Variants in MAU2 observed in about 807,000 individuals in gnomAD.
The protein encoded by MAU2 is MAU2 sister chromatid cohesion factor.
Under a neutral mutation model 89.1 loss-of-function variants are expected in MAU2, and 9 were observed. The observed-to-expected ratio is 0.10, with a 90% CI of 0.06 to 0.18. The LOEUF is 0.18. Among genes scored for constraint, MAU2 ranks in the 10% least tolerant of loss-of-function variants. The probability of loss-of-function intolerance (pLI) is 1.00; values close to 1 mark genes in which losing one functional copy is unlikely to be tolerated. For missense variants in MAU2, 425 were observed against 803.5 expected, an observed-to-expected ratio of 0.53 and a Z score of 5.69; for synonymous variants, 357 against 343.4, an observed-to-expected ratio of 1.04 and a Z score of -0.44.
chr19:19,355,641 A>AT, intron 18 of MAU2, 67 bp from the exon 19 acceptor site: 2 of 1,421,182 alleles, frequency 1.4e-6, no homozygotes, highest in South Asian at 2.5e-5. Context: ...GGAAGGCAGC[A>AT]TTCCAACCTC....
intron 13 of MAU2, 77 bp downstream of exon 13, chr19:19,347,443 C>A: frequency 8.6e-7 from 1 of 1,167,542 alleles, no homozygotes; most frequent in Non-Finnish European, 1.3e-6. Flanking sequence ...TTGTCCTGGG[C>A]ACCAGCACAT....
At chr19:19,352,711 G>A (rs2061755198) in intron 16 of MAU2, 1 of 152,306 alleles carries the variant, frequency 6.6e-6, no homozygotes, top group Non-Finnish European at 1.5e-5. Flanking sequence ...GCAGGGCAAG[G>A]AGGGTTGAGC....
intron 6 of MAU2, among the ~76,000 whole-genome samples, 157 bp downstream of exon 6, chr19:19,341,030 G>T (rs1487903026): frequency 6.6e-6 from 1 of 152,160 alleles, no homozygotes; most frequent in Non-Finnish European, 1.5e-5. Flanking sequence ...GTGAGGCCCG[G>T]GCCCTGCTGG....
intron 1 of MAU2, among the ~76,000 whole-genome samples, chr19:19,329,833 A>G (rs186233819): frequency 5.1e-4 from 78 of 151,894 alleles, no homozygotes; most frequent in Admixed American, 1.0e-3. Flanking sequence ...ACACATGCCT[A>G]TAGTCCCAGC....
chr19:19,322,545 A>G (rs1465275877), intron 1 of MAU2, among the ~76,000 whole-genome samples: 1 of 152,198 alleles, frequency 6.6e-6, no homozygotes, highest in African/African-American at 2.4e-5. Flanking sequence ...GGCTGCAGTG[A>G]GCAGTGATCA....
chr19:19,342,718 C>CG, intron 8 of MAU2, 37 bp downstream of exon 8: 2 of 1,612,722 alleles, frequency 1.2e-6, no homozygotes, highest in Non-Finnish European at 1.7e-6. Context: ...GGGCTGGGGG[C>CG]GGGGGCAGGG....
Position 19,358,434 on chromosome 19 carries a change from C to T in MAU2, c.*2652C>T, listed in dbSNP as rs1362834292. The stretch of plus-strand genomic sequence containing the variant: ...TCCCTGGGATAAGCACTCCCAGCCC[C>T]GTTTATCAGAAACACAGGCAAGGAA... On this transcript the variant is annotated 3_prime_UTR_variant, in exon 19 of 19. Transcript: ENST00000262815. 2 of 152,236 alleles carry T rather than the reference C, an allele frequency of 1.3e-5. No homozygotes were observed. Among genetic ancestry groups the T allele is most frequent in the African/African-American group, 2.4e-5 (1 of 41,460 alleles). The allele number at this position is 152,236 out of a possible 1,614,324, so 9.4% of individuals were successfully genotyped here.
intron 12 of MAU2, chr19:19,346,727 C>G (rs2146698454): frequency 6.5e-6 from 1 of 154,016 alleles, no homozygotes; most frequent in African/African-American, 2.4e-5. Flanking sequence ...CGAACGATCT[C>G]ATTTGCCAAG....
At chr19:19,326,189 A>G (rs1320981624) in intron 1 of MAU2, among the ~76,000 whole-genome samples, 2 of 151,938 alleles carry the variant, frequency 1.3e-5, no homozygotes, top group African/African-American at 4.8e-5. Flanking sequence ...TAAGTCGTCT[A>G]GAAAGATATA....
Position 19,356,169 on chromosome 19 carries a change from C to A in MAU2, c.*387C>A. On this transcript the variant is annotated 3_prime_UTR_variant, in exon 19 of 19. Transcript: ENST00000262815. ...GGGCACCACGCCTGACTCTCCATCA[C>A]CCAGGCCTTGATGCCGAGCGGGAGT... is the stretch of plus-strand genomic sequence containing the variant. The A allele has an allele frequency of 2.4e-6, 1 of 414,712 alleles. No homozygotes were observed. 25.7% of individuals were successfully genotyped at this position (414,712 alleles called of 1,614,324 possible).
chr19:19,323,315 C>G (rs1035839871), intron 1 of MAU2, among the ~76,000 whole-genome samples: 3 of 152,056 alleles, frequency 2.0e-5, no homozygotes, highest in Non-Finnish European at 4.4e-5. Context: ...TTGCCTCAGC[C>G]TCCCGAGTAG....
At chr19:19,335,589 C>T (rs2061589883) in intron 1 of MAU2, 129 bp from the exon 2 acceptor site, 12 of 882,948 alleles carry the variant, frequency 1.4e-5, no homozygotes, top group African/African-American at 3.3e-5. Context: ...CCAAGCGGGC[C>T]GCCTTCTTGT....
At position 19,336,220 on chromosome 19, in the gene MAU2, T is replaced by A. The variant is rs371568276; in HGVS notation, c.360+33T>A. 2.1e-6 allele frequency: 3 copies of A among 1,461,806 alleles called. No homozygotes were observed. The Admixed American group carries it at 5.1e-5, about 25-fold the overall frequency. 90.6% of individuals were successfully genotyped at this position (1,461,806 alleles called of 1,614,324 possible). ...CATATTAAGGTTTCTGAAAGCAAAG[T>A]GTCTCTCCGTGTCGCTAAGACATGA... is the stretch of plus-strand genomic sequence containing the variant. On this transcript the variant is annotated intron_variant, in intron 3 of 18. Transcript: ENST00000262815.
rs533387766 is a variant in MAU2, at chr19:19,345,229, C to T, written c.1156-75C>T. 63 of 1,357,154 alleles carry T rather than the reference C, an allele frequency of 4.6e-5. No homozygotes were observed. Among genetic ancestry groups the T allele is most frequent in the African/African-American group, 2.7e-4 (19 of 69,870 alleles). 84.1% of individuals were successfully genotyped at this position (1,357,154 alleles called of 1,614,324 possible). On this transcript the variant is annotated intron_variant, in intron 11 of 18. Coordinates refer to ENST00000262815, the MANE Select transcript of MAU2 (RefSeq NM_015329.4). This position sits in a 1 kb window ranked among gnomAD's most constrained non-coding sequence, Gnocchi z 4.9. ...TCCTCCAGGGCAGCCGTGCAGGCCC[C>T]GGGCACACCACGTGTCTCTGATCTG...
chr19:19,325,489 A>AT (rs1245317946), intron 1 of MAU2, among the ~76,000 whole-genome samples: 2 of 150,036 alleles, frequency 1.3e-5, no homozygotes, highest in Non-Finnish European at 3.0e-5. Flanking sequence ...TTTATTTTTC[A>AT]TTTTTTTGAG....
At chr19:19,332,224 A>T (rs1557723) in intron 1 of MAU2, among the ~76,000 whole-genome samples, 1 of 151,948 alleles carries the variant, frequency 6.6e-6, no homozygotes, top group African/African-American at 2.4e-5. Flanking sequence ...GCAACAGCAC[A>T]ATCATAGCTC....
chr19:19,338,945 C>T lies in MAU2; in HGVS notation c.551+6C>T. 1.2e-6 allele frequency: 2 copies of T among 1,607,732 alleles called. No homozygotes were observed. The highest frequency in any genetic ancestry group is 1.7e-5 in the Admixed American group (1 of 59,046). ...GTGGGATCTGAATACACACGGTAGG[C>T]ACCCACTCCCCTCCTTCCCTCCTGC... On this transcript the variant is annotated splice_donor_region_variant and intron_variant, in intron 5 of 18. Coordinates refer to ENST00000262815, the MANE Select transcript of MAU2 (RefSeq NM_015329.4).
In MAU2 at chr19:19,344,228, A is replaced by G. The variant is rs1425175206; in HGVS notation, c.1077+288A>G. The G allele has an allele frequency of 1.6e-5, 6 of 375,840 alleles. No homozygotes were observed. In the East Asian group the frequency reaches 3.0e-4, roughly 19 times the overall value. 23.3% of individuals were successfully genotyped at this position (375,840 alleles called of 1,614,324 possible). ...GGAGTTTGAGACCAGCCTGGCCAAC[A>G]TGGCGAAACCCCGCCTCTACTAAAA... is the stretch of plus-strand genomic sequence containing the variant. On this transcript the variant is annotated intron_variant, in intron 10 of 18. Coordinates refer to ENST00000262815, the MANE Select transcript of MAU2 (RefSeq NM_015329.4).
chr19:19,339,981 T>C (rs1021512671), intron 5 of MAU2, among the ~76,000 whole-genome samples: 17 of 151,074 alleles, frequency 1.1e-4, no homozygotes, highest in African/African-American at 3.6e-4. Flanking sequence ...ATCCTGTGAA[T>C]GGTGAAACCC....
Sources: allele counts gnomAD v4.1 joint callset (sites outside exome capture counted in the v4.1 genomes callset), GRCh38; gene constraint gnomAD v4.1.1; non-coding constraint Gnocchi (gnomAD v3.1); transcripts MANE v1.5; gene names NCBI Gene and HGNC (gene_info 2026-07-23, HGNC 2026-07-21).